The following RASAL2 variants were observed in gnomAD, a reference collection of about 807,000 sequenced individuals.
RASAL2 encodes RAS protein activator like 2.
In RASAL2, 58 loss-of-function variants were observed where a neutral mutation model predicts 128.9. The observed-to-expected ratio is 0.45, with a 90% CI of 0.36 to 0.56. RASAL2 has a LOEUF of 0.56. Ranked by LOEUF, RASAL2 falls within the 20% of genes least tolerant of loss-of-function variation. The probability of loss-of-function intolerance (pLI) is 0.00; values close to 1 mark genes in which losing one functional copy is unlikely to be tolerated. For synonymous variants in RASAL2, 561 were observed against 580.8 expected (o/e 0.97, Z 0.49); for missense variants, 1,360 against 1,601.6 (o/e 0.85, Z 2.57).
intron 1 of RASAL2, among the ~76,000 whole-genome samples, chr1:178,253,416 A>G (rs546621213): frequency 1.2e-4 from 19 of 152,108 alleles, no homozygotes; most frequent in Non-Finnish European, 1.6e-4. Context: ...ATACAATTCA[A>G]CCTGTTACAG....
intron 1 of RASAL2, among the ~76,000 whole-genome samples, chr1:178,120,667 T>G: frequency 6.6e-6 from 1 of 152,240 alleles, no homozygotes; most frequent in East Asian, 1.9e-4. Flanking sequence ...TATTATGGTC[T>G]CTGTGCAGTC....
At chr1:178,467,289 C>A in intron 16 of RASAL2, 45 bp from the exon 17 acceptor site, 2 of 1,487,696 alleles carry the variant, frequency 1.3e-6, no homozygotes, top group Non-Finnish European at 1.9e-6. Context: ...CACTAGCTAG[C>A]CCTTTCTTTG....
At chr1:178,289,604 T>C (rs1486642124) in intron 2 of RASAL2, among the ~76,000 whole-genome samples, 1 of 152,076 alleles carries the variant, frequency 6.6e-6, no homozygotes, top group Non-Finnish European at 1.5e-5. Context: ...CATGAGCCAC[T>C]GCACCAGGCC....
chr1:178,193,839 A>T (rs954934880), intron 1 of RASAL2, among the ~76,000 whole-genome samples: 1 of 152,254 alleles, frequency 6.6e-6, no homozygotes, highest in Non-Finnish European at 1.5e-5. Flanking sequence ...TGTATGAAAT[A>T]GCTAGCTATT....
intron 1 of RASAL2, among the ~76,000 whole-genome samples, chr1:178,163,129 G>C (rs2101898427): frequency 6.6e-6 from 1 of 151,246 alleles, no homozygotes; most frequent in East Asian, 2.0e-4. Context: ...CACCATGCCT[G>C]GCTAATTTTT....
At chr1:178,264,467 A>G (rs908130116) in intron 1 of RASAL2, among the ~76,000 whole-genome samples, 1 of 152,212 alleles carries the variant, frequency 6.6e-6, no homozygotes, top group Non-Finnish European at 1.5e-5. Context: ...ATCCCCTTGT[A>G]TAATTTAGAA....
chr1:178,161,904 T>G (rs1365844351), intron 1 of RASAL2, among the ~76,000 whole-genome samples: 2 of 152,088 alleles, frequency 1.3e-5, no homozygotes, highest in Non-Finnish European at 2.9e-5. Flanking sequence ...TTCAGATTCT[T>G]TGCCATATTT....
At chr1:178,342,646 A>G (rs1036636490) in intron 3 of RASAL2, among the ~76,000 whole-genome samples, 20 of 152,230 alleles carry the variant, frequency 1.3e-4, no homozygotes, top group Admixed American at 1.0e-3. Context: ...ACTTTAGGAC[A>G]TCAATTTTCT....
intron 3 of RASAL2, among the ~76,000 whole-genome samples, chr1:178,358,923 C>T (rs189811439): frequency 1.1e-4 from 16 of 152,144 alleles, no homozygotes; most frequent in African/African-American, 3.1e-4. Context: ...CAACCCCAAC[C>T]GCAACTCTTA....
At chr1:178,285,523 C>T (rs1432052001) in intron 2 of RASAL2, among the ~76,000 whole-genome samples, 1 of 152,126 alleles carries the variant, frequency 6.6e-6, no homozygotes, top group African/African-American at 2.4e-5. Context: ...TTATCATCTC[C>T]CTACCTGTAA....
chr1:178,180,663 T>TCTCTCACACA (rs1553256843), intron 1 of RASAL2, among the ~76,000 whole-genome samples: 5 of 139,158 alleles, frequency 3.6e-5, no homozygotes, highest in Non-Finnish European at 7.7e-5. Flanking sequence ...CGAGACTGTC[T>TCTCTCACACA]CACACACACA....
At chr1:178,267,856 A>G (rs915106650) in intron 1 of RASAL2, among the ~76,000 whole-genome samples, 6 of 151,526 alleles carry the variant, frequency 4.0e-5, no homozygotes, top group Non-Finnish European at 7.4e-5. Flanking sequence ...CTTTAGGCCT[A>G]TTTCCTGAAT....
At chr1:178,221,983 G>A (rs1003231309) in intron 1 of RASAL2, among the ~76,000 whole-genome samples, 1 of 152,128 alleles carries the variant, frequency 6.6e-6, no homozygotes, top group Admixed American at 6.5e-5. Flanking sequence ...TTTTCTTGGA[G>A]AATTGACTCC....
At chr1:178,473,032 T>C in intron 17 of RASAL2, 43 bp from the exon 18 acceptor site, 1 of 1,605,960 alleles carries the variant, frequency 6.2e-7, no homozygotes, top group Non-Finnish European at 8.5e-7. Flanking sequence ...GCGTGTTACC[T>C]CCTGCCTGTA....
chr1:178,380,275 A>T (rs1672210442), intron 3 of RASAL2, among the ~76,000 whole-genome samples: 1 of 152,166 alleles, frequency 6.6e-6, no homozygotes, highest in Non-Finnish European at 1.5e-5. Context: ...CTTATTTATC[A>T]TAATCTCAAT....
In RASAL2 at chr1:178,408,284, C is replaced by T. The variant is rs558998751; in HGVS notation, c.565-12227C>T. 1.2e-4 allele frequency among the ~76,000 whole-genome samples: 19 copies of T among 152,244 alleles called. No homozygotes were observed. In the East Asian group the frequency reaches 1.9e-3, roughly 15 times the overall value. On this transcript the variant is annotated intron_variant, in intron 4 of 17. Coordinates refer to ENST00000367649, the MANE Select transcript of RASAL2 (RefSeq NM_170692.4). Reference sequence around the variant, plus strand: ...TGAAATCAGTTTATTTACATTCTTTCTTTCCTTTGTTTCCATTTAGACTGG... The same window carrying T: ...TGAAATCAGTTTATTTACATTCTTTTTTTCCTTTGTTTCCATTTAGACTGG...
chr1:178,135,490 T>G (rs1417113), intron 1 of RASAL2, among the ~76,000 whole-genome samples: 3,570 of 104,772 alleles, frequency 0.034, 60 homozygotes, highest in South Asian at 0.12. Flanking sequence ...AAATCTTGTC[T>G]CTTCATAAAA....
At chr1:178,284,458 C>T (rs955129849) in intron 2 of RASAL2, among the ~76,000 whole-genome samples, 1 of 152,170 alleles carries the variant, frequency 6.6e-6, no homozygotes, top group African/African-American at 2.4e-5. Context: ...GTAACAAGGT[C>T]AAGAAGGGCA....
At chr1:178,277,988 G>A (rs1289142556) in intron 1 of RASAL2, among the ~76,000 whole-genome samples, 1 of 152,162 alleles carries the variant, frequency 6.6e-6, no homozygotes, top group Non-Finnish European at 1.5e-5. Context: ...AGAGTTGTTT[G>A]TCTCATGACC....
Sources: gnomAD v4.1 joint callset for allele counts (sites outside exome capture counted in the v4.1 genomes callset) on GRCh38, gnomAD v4.1.1 for gene constraint, MANE v1.5 for transcripts, NCBI Gene and HGNC (gene_info 2026-07-23, HGNC 2026-07-21) for gene names.